Variants in GDA observed in about 807,000 individuals in gnomAD.
The protein encoded by GDA is guanine deaminase, also known as cytoplasmic PSD-95 interactor.
In GDA, 18 loss-of-function variants were observed where a neutral mutation model predicts 59.6. The observed-to-expected ratio is 0.30, with a 90% CI of 0.21 to 0.45. The LOEUF (loss-of-function observed/expected upper bound fraction) is 0.45. Ranked by LOEUF, GDA falls within the 20% of genes least tolerant of loss-of-function variation. GDA has a pLI of 1.00. For synonymous variants in GDA, 201 were observed against 201.1 expected, an observed-to-expected ratio of 1.00 and a Z score of 0.00; for missense variants, 427 against 552.3, an observed-to-expected ratio of 0.77 and a Z score of 2.27.
intron 6 of GDA, among the ~76,000 whole-genome samples, chr9:72,221,332 G>A (rs554690942): frequency 9.2e-5 from 14 of 152,270 alleles, no homozygotes; most frequent in South Asian, 4.2e-4. Flanking sequence ...TTAATGTGGT[G>A]GCAGAGGAGC....
At chr9:72,199,796 A>T (rs535982471) in intron 2 of GDA, among the ~76,000 whole-genome samples, 13 of 152,000 alleles carry the variant, frequency 8.6e-5, no homozygotes, top group African/African-American at 2.4e-4. Context: ...ACTGTCCCTG[A>T]CACCTCTCTG....
chr9:72,250,128 T>C lies in GDA; in HGVS notation c.*1786T>C. 1.0e-6 allele frequency: 1 copy of C among 985,140 alleles called. No homozygotes were observed. Among genetic ancestry groups the C allele is most frequent in the Admixed American group, 6.1e-5 (1 of 16,280 alleles). The allele number at this position is 985,140 out of a possible 1,614,324, so 61.0% of individuals were successfully genotyped here. A position where few individuals can be genotyped will look rare whatever the true frequency, so the allele number is the denominator to read the frequency against. On this transcript the variant is annotated 3_prime_UTR_variant, in exon 14 of 14. Coordinates refer to ENST00000358399, the MANE Select transcript of GDA (RefSeq NM_004293.5). ...GCCTTGCCAAATTTCTCCCCATTTC[T>C]CTACGGGGCTAGCAAAAATCTTCAG...
chr9:72,128,528 T>C (rs1825923921), intron 1 of GDA, among the ~76,000 whole-genome samples: 1 of 152,220 alleles, frequency 6.6e-6, no homozygotes, highest in African/African-American at 2.4e-5. Context: ...TAATGGAAGA[T>C]AGATACTATT....
At chr9:72,149,332 C>T, upstream of GDA, 2 of 540,756 alleles carry the variant, frequency 3.7e-6, no homozygotes, top group South Asian at 4.5e-5. Context: ...CCCACGGGAG[C>T]GCGGAGCCAA....
chr9:72,256,915 T>G (rs561302238), downstream of GDA: 1 of 152,412 alleles, frequency 6.6e-6, no homozygotes, highest in African/African-American at 2.4e-5. Context: ...CCAGGCTCAC[T>G]GAGTGCAGAA....
rs1834285252 is a variant in GDA at position 72,203,570 on chromosome 9, ACAGTTTCTG to A, written c.384+833_384+841del. Among the ~76,000 whole-genome samples, 3 of 152,218 alleles carry A rather than the reference ACAGTTTCTG, an allele frequency of 2.0e-5. No homozygotes were observed. The South Asian group carries it at 6.2e-4, about 32-fold the overall frequency. On this transcript the variant is annotated intron_variant, in intron 3 of 13. Transcript: ENST00000358399. ...ACCAGAATCTACTCAGGAATTAGAA[ACAGTTTCTG>A]CAGTAAAGGAGCTAAAGCGCAAATG... is the stretch of plus-strand genomic sequence containing the variant.
At chr9:72,173,873 T>C (rs1336167934) in intron 1 of GDA, among the ~76,000 whole-genome samples, 1 of 152,140 alleles carries the variant, frequency 6.6e-6, no homozygotes, top group African/African-American at 2.4e-5. Context: ...TACTAGCAAG[T>C]TGTGTGGGTT....
intron 1 of GDA, among the ~76,000 whole-genome samples, chr9:72,154,647 T>C (rs765175450): frequency 1.3e-5 from 2 of 152,218 alleles, no homozygotes; most frequent in Non-Finnish European, 2.9e-5. Flanking sequence ...CTTTAGTATC[T>C]CTTTTAGACT....
At chr9:72,162,586 A>G (rs913856141) in intron 1 of GDA, among the ~76,000 whole-genome samples, 3 of 152,112 alleles carry the variant, frequency 2.0e-5, no homozygotes, top group Non-Finnish European at 4.4e-5. Context: ...AGAGAGAAAC[A>G]TAGTCATTCC....
chr9:72,175,696 T>C (rs1830464755), intron 1 of GDA, among the ~76,000 whole-genome samples: 1 of 152,188 alleles, frequency 6.6e-6, no homozygotes. Flanking sequence ...TAGATTTGAA[T>C]GTGGGGTGAA....
chr9:72,190,763 A>G (rs186994047), intron 1 of GDA, among the ~76,000 whole-genome samples: 2 of 152,280 alleles, frequency 1.3e-5, no homozygotes, highest in African/African-American at 4.8e-5. Context: ...CCATTGTAGT[A>G]AAATATCTGT....
intron 1 of GDA, among the ~76,000 whole-genome samples, chr9:72,119,925 G>C (rs931404617): frequency 1.6e-4 from 25 of 151,956 alleles, no homozygotes; most frequent in African/African-American, 6.1e-4. Context: ...TTATTAAAAA[G>C]AGTCACATTT....
At chr9:72,147,772 T>G (rs1237960396), upstream of GDA, among the ~76,000 whole-genome samples, 1 of 152,216 alleles carries the variant, frequency 6.6e-6, no homozygotes, top group Non-Finnish European at 1.5e-5. Context: ...GAGGTTTTTG[T>G]GTATACAAGG....
chr9:72,194,227 G>A (rs898876751), intron 1 of GDA: 5 of 152,184 alleles, frequency 3.3e-5, no homozygotes, highest in Admixed American at 3.3e-4. Context: ...AGCCACCACA[G>A]CTTGGGTGAA....
Position 72,149,992 on chromosome 9 carries a change from A to T in GDA, c.123+310A>T, listed in dbSNP as rs563375457. Among the ~76,000 whole-genome samples the T allele has an allele frequency of 2.7e-5, 4 of 147,876 alleles. No homozygotes were observed. The East Asian group carries it at 8.2e-4, about 30-fold the overall frequency. The stretch of plus-strand genomic sequence containing the variant: ...CCCCCGCTCCCCCGCCCCCCGTTCC[A>T]ATCCTAAGATACCGGCAATAATCTT... On this transcript the variant is annotated intron_variant, in intron 1 of 13. Coordinates refer to ENST00000358399, the MANE Select transcript of GDA (RefSeq NM_004293.5).
intron 5 of GDA, among the ~76,000 whole-genome samples, chr9:72,216,965 G>A (rs1049684698): frequency 1.6e-4 from 24 of 152,240 alleles, no homozygotes; most frequent in African/African-American, 5.3e-4. Context: ...GTGAGCCACC[G>A]TGCCCGGCCC....
At chr9:72,222,898 G>A (rs932150207) in intron 6 of GDA, among the ~76,000 whole-genome samples, 2 of 152,004 alleles carry the variant, frequency 1.3e-5, no homozygotes, top group Admixed American at 6.6e-5. Flanking sequence ...GCAGAGACAG[G>A]GTTTCTCCAT....
Position 72,251,522 on chromosome 9 carries a change from G to A in GDA, c.*3180G>A, listed in dbSNP as rs1840681611. ...CCATTTTTAAAGTTGATGATTGCTG[G>A]AAACATTCACACGCTTAAAAGCAAT... On this transcript the variant is annotated 3_prime_UTR_variant, in exon 14 of 14. Transcript: ENST00000358399. 1 of 152,114 alleles carries A rather than the reference G, an allele frequency of 6.6e-6. No homozygotes were observed. Among genetic ancestry groups the A allele is most frequent in the East Asian group, 1.9e-4 (1 of 5,200 alleles). 9.4% of individuals were successfully genotyped at this position (152,114 alleles called of 1,614,324 possible). A position where few individuals can be genotyped will look rare whatever the true frequency, so the allele number is the denominator to read the frequency against.
chr9:72,169,841 T>G (rs1587454222), intron 1 of GDA, among the ~76,000 whole-genome samples: 2 of 152,372 alleles, frequency 1.3e-5, no homozygotes, highest in South Asian at 2.1e-4. Flanking sequence ...AATGGTTTTG[T>G]AATTAATGTG....
Sources: allele counts gnomAD v4.1 joint callset (sites outside exome capture counted in the v4.1 genomes callset), GRCh38; gene constraint gnomAD v4.1.1; transcripts MANE v1.5; gene names NCBI Gene and HGNC (gene_info 2026-07-23, HGNC 2026-07-21).